Variants in HECTD4 observed in about 807,000 individuals in gnomAD.
HECTD4 encodes the protein HECT domain E3 ubiquitin protein ligase 4.
A neutral mutation model predicts 471.5 loss-of-function variants in HECTD4; 114 were observed. The observed-to-expected ratio is 0.24, with a 90% CI of 0.21 to 0.28. HECTD4 has a LOEUF of 0.28. HECTD4 is among the 10% of genes least tolerant of loss of function. HECTD4 has a pLI of 1.00. For synonymous variants in HECTD4, 2,012 were observed against 2,256.0 expected, an observed-to-expected ratio of 0.89 and a Z score of 3.07; for missense variants, 3,866 against 5,651.5, an observed-to-expected ratio of 0.68 and a Z score of 10.13.
At position 112,216,382 on chromosome 12, in the gene HECTD4, T is replaced by G. The variant is rs963674494; in HGVS notation, c.7386-11A>C. ...ACGGCTCGGCCGTTGCTATGAAAAA[T>G]ACAAAGAAGGGAGGTCAAAGACAAG... On this transcript the variant is annotated splice_polypyrimidine_tract_variant and intron_variant, in intron 47 of 75. Coordinates refer to ENST00000682272, the MANE Select transcript of HECTD4 (RefSeq NM_001388303.1). 3 of 1,538,056 alleles carry G rather than the reference T, an allele frequency of 2.0e-6. No individual in the cohort carries two copies. The highest frequency in any genetic ancestry group is 2.6e-6 in the Non-Finnish European group (3 of 1,134,908).
intron 54 of HECTD4, chr12:112,202,885 T>G (rs908326611): frequency 1.3e-5 from 2 of 152,248 alleles, no homozygotes; most frequent in Non-Finnish European, 2.9e-5. Context: ...ACACTCATTT[T>G]ACAGATAGGG....
At position 112,191,390 on chromosome 12, in the gene HECTD4, G is replaced by T. The variant is rs952638439; in HGVS notation, c.9293-425C>A. On this transcript the variant is annotated intron_variant, in intron 59 of 75. Transcript: ENST00000682272. ...CCATTATGCTTATTACAGTGGACCA[G>T]CAAGGGGTCCCCAAGACTTAAGACT... 2.0e-5 allele frequency among the ~76,000 whole-genome samples: 3 copies of T among 152,216 alleles called. 1 individual carries two copies. Among genetic ancestry groups the T allele is most frequent in the African/African-American group, 7.2e-5 (3 of 41,460 alleles).
At position 112,167,347 on chromosome 12, in the gene HECTD4, G is replaced by A. The variant is rs372107508; in HGVS notation, c.12504C>T (p.Leu4168=). 88 of 1,613,178 alleles carry A rather than the reference G, an allele frequency of 5.5e-5. No homozygotes were observed. The highest frequency in any genetic ancestry group is 6.6e-5 in the Non-Finnish European group (78 of 1,179,548). ...CAAACTTCTTGACGTAATTGTAGGT[G>A]AGGATATCCGCTTCCTGCAGGTCTT... The part of the protein sequence containing the change: ...PEQDLQEADI[L]TYNYVKKFES... Residue 4168 remains leucine, a synonymous_variant, in exon 72 of 76, where the codon CTC becomes CTT. Coordinates refer to ENST00000682272, the MANE Select transcript of HECTD4 (RefSeq NM_001388303.1).
intron 39 of HECTD4, 30 bp from the exon 40 acceptor site, chr12:112,230,852 T>G: frequency 6.3e-7 from 1 of 1,598,034 alleles, no homozygotes; most frequent in Non-Finnish European, 8.5e-7. Context: ...AAAGTGTCAG[T>G]GCCCAGTGAT....
In HECTD4 at chr12:112,228,016, G is replaced by A; in HGVS notation, c.6854+73C>T. ...GATTCACTAAGTTGGGAGTGGAGGG[G>A]CCCACCAAGGATCCCTTCTTCTGTC... On this transcript the variant is annotated intron_variant, in intron 43 of 75. Coordinates refer to ENST00000682272, the MANE Select transcript of HECTD4 (RefSeq NM_001388303.1). This position sits in a 1 kb window ranked among gnomAD's most constrained non-coding sequence, Gnocchi z 4.9. 7 of 1,383,444 alleles carry A rather than the reference G, an allele frequency of 5.1e-6. No individual in the cohort carries two copies. The highest frequency in any genetic ancestry group is 5.8e-6 in the Non-Finnish European group (6 of 1,029,590). The allele number at this position is 1,383,444 out of a possible 1,614,324, so 85.7% of individuals were successfully genotyped here.
At chr12:112,209,256 T>G (rs1274243723) in intron 50 of HECTD4, among the ~76,000 whole-genome samples, 1 of 152,166 alleles carries the variant, frequency 6.6e-6, no homozygotes, top group East Asian at 1.9e-4. Context: ...AAATATGGCC[T>G]GCAGACATCC....
At chr12:112,170,627 G>A (rs1473226755) in intron 68 of HECTD4, 175 bp from the exon 69 acceptor site, 2 of 692,084 alleles carry the variant, frequency 2.9e-6, no homozygotes, top group Non-Finnish European at 4.7e-6. Flanking sequence ...TATACCCTTT[G>A]TCATTCCCAG....
chr12:112,209,141 A>G (rs759024315), intron 50 of HECTD4, among the ~76,000 whole-genome samples: 1 of 151,754 alleles, frequency 6.6e-6, no homozygotes, highest in Non-Finnish European at 1.5e-5. Context: ...GGCTCAAGCT[A>G]TCCTCCTTCC....
At chr12:112,245,846 C>T (rs191131700) in intron 29 of HECTD4, among the ~76,000 whole-genome samples, 1 of 152,120 alleles carries the variant, frequency 6.6e-6, no homozygotes, top group African/African-American at 2.4e-5. Flanking sequence ...TAAAATGTGA[C>T]CTAGGCCGGG....
chr12:112,271,762 T>G (rs6489833), intron 11 of HECTD4, among the ~76,000 whole-genome samples: 35,955 of 152,144 alleles, frequency 0.24, 7,260 homozygotes, highest in East Asian at 0.85. Context: ...TCCATTTTTT[T>G]TTGTTGTTGT....
chr12:112,276,667 G>T (rs1449610969), intron 9 of HECTD4, among the ~76,000 whole-genome samples: 1 of 152,092 alleles, frequency 6.6e-6, no homozygotes, highest in Admixed American at 6.6e-5. Context: ...CGATGGTCTC[G>T]ATCTCTTGAC....
At chr12:112,176,924 A>G (rs1027187865) in intron 64 of HECTD4, among the ~76,000 whole-genome samples, 1 of 152,204 alleles carries the variant, frequency 6.6e-6, no homozygotes, top group Non-Finnish European at 1.5e-5. Context: ...AAAATCTTGT[A>G]GAGACTCTTT....
chr12:112,252,197 T>C (rs191080130), intron 23 of HECTD4, among the ~76,000 whole-genome samples: 1 of 152,292 alleles, frequency 6.6e-6, no homozygotes, highest in East Asian at 1.9e-4. Context: ...AAGAGGGAGC[T>C]CCAATCAATA....
At chr12:112,200,880 C>CATGCGT (rs2032405609) in intron 54 of HECTD4, 82 bp from the exon 55 acceptor site, 1 of 1,163,548 alleles carries the variant, frequency 8.6e-7, no homozygotes, top group East Asian at 3.1e-5. Flanking sequence ...TGTGTGCGTG[C>CATGCGT]GTGCGTGTGT....
intron 9 of HECTD4, among the ~76,000 whole-genome samples, chr12:112,278,092 G>A (rs1306386815): frequency 1.3e-5 from 2 of 151,918 alleles, no homozygotes; most frequent in Admixed American, 6.6e-5. Context: ...ACAAACAAAC[G>A]AAAAAGCAGT....
intron 9 of HECTD4, 135 bp downstream of exon 9, chr12:112,279,093 T>C (rs1186954431): frequency 1.5e-6 from 1 of 684,566 alleles, no homozygotes; most frequent in Non-Finnish European, 2.4e-6. Context: ...TATTTGATAA[T>C]TGGTATTTTT....
chr12:112,209,251 T>C (rs564764799), intron 50 of HECTD4, among the ~76,000 whole-genome samples: 27 of 152,236 alleles, frequency 1.8e-4, no homozygotes, highest in African/African-American at 5.3e-4. Flanking sequence ...GGGCCAAATA[T>C]GGCCTGCAGA....
At chr12:112,317,261 T>C (rs2035497722) in intron 2 of HECTD4, among the ~76,000 whole-genome samples, 1 of 152,222 alleles carries the variant, frequency 6.6e-6, no homozygotes, top group African/African-American at 2.4e-5. Context: ...CATGTCAGGA[T>C]TCACAAACCA....
At position 112,213,023 on chromosome 12, in the gene HECTD4, T is replaced by C. The variant is rs1226863585; in HGVS notation, c.7466-373A>G. Among the ~76,000 whole-genome samples, 2 of 152,312 alleles carry C rather than the reference T, an allele frequency of 1.3e-5. No individual in the cohort carries two copies. The highest frequency in any genetic ancestry group is 3.9e-4 in the East Asian group (2 of 5,176). On this transcript the variant is annotated intron_variant, in intron 48 of 75. Coordinates refer to ENST00000682272, the MANE Select transcript of HECTD4 (RefSeq NM_001388303.1). This position sits in a 1 kb window ranked among gnomAD's most constrained non-coding sequence, Gnocchi z 4.0. ...GTTGGCCAGACTGGTCTCGAACTGT[T>C]GACCTCAGGCAATCCACCTGCCTCG...
Sources: allele counts gnomAD v4.1 joint callset (sites outside exome capture counted in the v4.1 genomes callset), GRCh38; gene constraint gnomAD v4.1.1; non-coding constraint Gnocchi (gnomAD v3.1); transcripts MANE v1.5; gene names NCBI Gene and HGNC (gene_info 2026-07-23, HGNC 2026-07-21).